Variants in IQSEC2 observed in about 807,000 individuals in gnomAD.
The protein encoded by IQSEC2 is IQ motif and Sec7 domain ArfGEF 2.
A neutral mutation model predicts 74.6 loss-of-function variants in IQSEC2; 6 were observed. That is an observed-to-expected ratio of 0.08 (90% CI 0.04 to 0.16). The LOEUF is 0.16. Among genes scored for constraint, IQSEC2 ranks in the 10% least tolerant of loss-of-function variants. The pLI is 1.00. For synonymous variants in IQSEC2, 494 were observed against 544.5 expected, an observed-to-expected ratio of 0.91 and a Z score of 1.29; for missense variants, 734 against 1,306.2, an observed-to-expected ratio of 0.56 and a Z score of 6.75.
intron 8 of IQSEC2, among the ~76,000 whole-genome samples, chrX:53,244,089 T>C (rs2074265004): frequency 9.1e-6 from 1 of 109,655 alleles, no homozygotes; most frequent in Non-Finnish European, 1.9e-5. Context: ...CATGGCACCA[T>C]GTGCCTGTAG....
chrX:53,309,160 A>G (rs2075297017), intron 1 of IQSEC2, among the ~76,000 whole-genome samples: 1 of 110,235 alleles, frequency 9.1e-6, no homozygotes, highest in South Asian at 3.9e-4. Context: ...AGCTGTTGTA[A>G]ATAAGCTAAA....
At chrX:53,284,677 C>G (rs2075007905) in intron 2 of IQSEC2, among the ~76,000 whole-genome samples, 1 of 111,763 alleles carries the variant, frequency 8.9e-6, no homozygotes, top group African/African-American at 3.3e-5. Context: ...GCCTGCTGCC[C>G]CTTCTCTGTC....
In IQSEC2 at chrX:53,248,110, A is replaced by C. The variant is rs782205815; in HGVS notation, c.2582+4T>G. ...GCAGCTTCGCGAGTGGGAGGTAGGCACACCTGAAGGCTTCGATGAGTCGCT... is the reference window on the plus strand; with the variant it reads ...GCAGCTTCGCGAGTGGGAGGTAGGCCCACCTGAAGGCTTCGATGAGTCGCT... On this transcript the variant is annotated splice_donor_region_variant and intron_variant, in intron 7 of 14. Coordinates refer to ENST00000642864, the MANE Select transcript of IQSEC2 (RefSeq NM_001111125.3). The C allele has an allele frequency of 1.0e-4, 126 of 1,209,624 alleles. No individual in the cohort carries two copies. Among genetic ancestry groups the C allele is most frequent in the Non-Finnish European group, 5.6e-6 (5 of 895,057 alleles).
intron 13 of IQSEC2, 149 bp downstream of exon 13, chrX:53,236,173 C>A: frequency 5.9e-6 from 4 of 679,505 alleles, no homozygotes; most frequent in African/African-American, 2.1e-5. Context: ...CTCCCAGGCC[C>A]CCTGTGGCGC....
At chrX:53,290,641 G>A (rs1378356964) in intron 2 of IQSEC2, among the ~76,000 whole-genome samples, 1 of 112,002 alleles carries the variant, frequency 8.9e-6, no homozygotes, top group African/African-American at 3.2e-5. Context: ...TGGACACTGG[G>A]ACTGATTGCA....
intron 1 of IQSEC2, among the ~76,000 whole-genome samples, chrX:53,297,055 C>T (rs2075160653): frequency 9.2e-6 from 1 of 108,804 alleles, no homozygotes; most frequent in Non-Finnish European, 1.9e-5. Flanking sequence ...GGATGGAGTG[C>T]GGTGGCACAA....
intron 2 of IQSEC2, among the ~76,000 whole-genome samples, chrX:53,280,831 G>C (rs1333820572): frequency 8.9e-6 from 1 of 112,011 alleles, no homozygotes; most frequent in Non-Finnish European, 1.9e-5. Flanking sequence ...GTCAGCTGGA[G>C]CCAGAGCAAG....
At chrX:53,314,407 A>C (rs975438072) in intron 1 of IQSEC2, among the ~76,000 whole-genome samples, 1 of 112,023 alleles carries the variant, frequency 8.9e-6, no homozygotes, top group Non-Finnish European at 1.9e-5. Flanking sequence ...AGGGGGTCTC[A>C]GTCTAACAGA....
intron 2 of IQSEC2, among the ~76,000 whole-genome samples, chrX:53,268,426 C>T (rs886880778): frequency 3.6e-5 from 4 of 111,219 alleles, no homozygotes; most frequent in East Asian, 2.8e-4. Flanking sequence ...TGAAGCAGGG[C>T]GCAAGTTCTG....
chrX:53,313,205 G>A (rs990612483), intron 1 of IQSEC2, among the ~76,000 whole-genome samples: 1 of 112,026 alleles, frequency 8.9e-6, no homozygotes, highest in Non-Finnish European at 1.9e-5. Context: ...CTTGATGTAC[G>A]GTATGCCAGG....
At chrX:53,266,640 T>C (rs2074661745) in intron 2 of IQSEC2, 1 of 841,783 alleles carries the variant, frequency 1.2e-6, no homozygotes, top group African/African-American at 2.2e-5. Context: ...AGTGGCAGGC[T>C]CCAGGGTGCC....
chrX:53,265,045 T>C (rs1473688855), intron 2 of IQSEC2, among the ~76,000 whole-genome samples: 4 of 110,835 alleles, frequency 3.6e-5, no homozygotes, highest in African/African-American at 9.9e-5. Flanking sequence ...GGATTACAGG[T>C]GTGAGCCACC....
At chrX:53,256,084 G>A in intron 2 of IQSEC2, 23 bp from the exon 3 acceptor site, 1 of 1,149,144 alleles carries the variant, frequency 8.7e-7, no homozygotes. Flanking sequence ...GATAAGATGA[G>A]CCAGGATGTG....
intron 1 of IQSEC2, among the ~76,000 whole-genome samples, chrX:53,314,120 G>A (rs1203522134): frequency 8.9e-5 from 10 of 111,979 alleles, no homozygotes; most frequent in African/African-American, 2.9e-4. Context: ...ACCTCCCAAA[G>A]TGCTGGGAGC....
At chrX:53,284,509 C>T (rs2075006327) in intron 2 of IQSEC2, among the ~76,000 whole-genome samples, 1 of 111,097 alleles carries the variant, frequency 9.0e-6, no homozygotes, top group Non-Finnish European at 1.9e-5. Context: ...CTGTCATCTC[C>T]CCACCTGGCT....
chrX:53,297,511 G>C (rs1250437192), intron 1 of IQSEC2, among the ~76,000 whole-genome samples: 9 of 110,287 alleles, frequency 8.2e-5, no homozygotes, highest in Non-Finnish European at 1.7e-4. Flanking sequence ...ATTTTTTGTA[G>C]AGATGGGGTT....
rs782316062 is a variant in IQSEC2, at chrX:53,233,318, C to T, written c.*901G>A. 9.0e-6 allele frequency: 1 copy of T among 111,590 alleles called. No individual in the cohort carries two copies. Among genetic ancestry groups the T allele is most frequent in the African/African-American group, 3.3e-5 (1 of 30,656 alleles). The allele number at this position is 111,590 out of a possible 1,213,427, so 9.2% of individuals were successfully genotyped here. ...GTGGCCCTTTGGGAGCCTCTCTCCC[C>T]AGGGCTGATGCTGGGTGCCCCTGCC... On this transcript the variant is annotated 3_prime_UTR_variant, in exon 15 of 15. Coordinates refer to ENST00000642864, the MANE Select transcript of IQSEC2 (RefSeq NM_001111125.3).
intron 1 of IQSEC2, among the ~76,000 whole-genome samples, chrX:53,299,822 C>T (rs2075192512): frequency 9.0e-6 from 1 of 111,509 alleles, no homozygotes; most frequent in African/African-American, 3.3e-5. Context: ...GTGAGCATCG[C>T]TCACAGCCTT....
intron 2 of IQSEC2, among the ~76,000 whole-genome samples, chrX:53,270,081 T>A (rs1556868396): frequency 9.0e-6 from 1 of 110,774 alleles, no homozygotes; most frequent in Non-Finnish European, 1.9e-5. Flanking sequence ...TCGAGCCCAA[T>A]GCTTGCTGGA....
Sources: gnomAD v4.1 joint callset for allele counts (sites outside exome capture counted in the v4.1 genomes callset) on GRCh38, gnomAD v4.1.1 for gene constraint, MANE v1.5 for transcripts, NCBI Gene and HGNC (gene_info 2026-07-23, HGNC 2026-07-21) for gene names.